Variants in SLC6A2 observed in about 807,000 individuals in gnomAD.
SLC6A2 encodes the protein sodium-dependent noradrenaline transporter.
In SLC6A2, 26 loss-of-function variants were observed where a neutral mutation model predicts 71.7. That is an observed-to-expected ratio of 0.36 (90% CI 0.27 to 0.50). The LOEUF is 0.50. Among genes scored for constraint, SLC6A2 ranks in the 20% least tolerant of loss-of-function variants. The pLI, the probability that SLC6A2 is intolerant of heterozygous loss-of-function variation, is 0.96. For synonymous variants in SLC6A2, 363 were observed against 337.9 expected, an observed-to-expected ratio of 1.07 and a Z score of -0.82; for missense variants, 581 against 803.9, an observed-to-expected ratio of 0.72 and a Z score of 3.35.
At chr16:55,687,340 T>C (rs1376259001) in intron 5 of SLC6A2, among the ~76,000 whole-genome samples, 2 of 152,234 alleles carry the variant, frequency 1.3e-5, no homozygotes, top group African/African-American at 2.4e-5. Context: ...AGGCATTTCT[T>C]AGCCTGAGTT....
Position 55,671,934 on chromosome 16 carries a change from C to T in SLC6A2, c.407-4C>T. On this transcript the variant is annotated splice_polypyrimidine_tract_variant and splice_region_variant and intron_variant, in intron 3 of 14. Coordinates refer to ENST00000568943, the MANE Select transcript of SLC6A2 (RefSeq NM_001172501.3). ...CTCCTACCTTACCCCCTGTCCCTGC[C>T]CAGGCGTTGGCTATGCTGTCATCCT... 2 of 1,614,054 alleles carry T rather than the reference C, an allele frequency of 1.2e-6. No homozygotes were observed. Among genetic ancestry groups the T allele is most frequent in the Non-Finnish European group, 8.5e-7 (1 of 1,179,994 alleles).
intron 4 of SLC6A2, among the ~76,000 whole-genome samples, chr16:55,680,147 G>C (rs1965224890): frequency 6.6e-6 from 1 of 152,204 alleles, no homozygotes; most frequent in Non-Finnish European, 1.5e-5. Context: ...GGAGGCAGGA[G>C]AGTGGCAAGG....
intron 2 of SLC6A2, among the ~76,000 whole-genome samples, chr16:55,669,235 TA>T (rs1964836398): frequency 6.6e-6 from 1 of 152,160 alleles, no homozygotes; most frequent in South Asian, 2.1e-4. Flanking sequence ...ATAAATCTGG[TA>T]AAGGCTACAC....
intron 3 of SLC6A2, among the ~76,000 whole-genome samples, chr16:55,670,646 A>C (rs1210282728): frequency 6.6e-6 from 1 of 152,198 alleles, no homozygotes; most frequent in African/African-American, 2.4e-5. Flanking sequence ...GGCCATCAGC[A>C]ACCCCGGGCT....
intron 2 of SLC6A2, among the ~76,000 whole-genome samples, chr16:55,667,568 A>G (rs1459759467): frequency 5.9e-5 from 9 of 152,222 alleles, no homozygotes; most frequent in Admixed American, 2.0e-4. Context: ...GCATAGGGAC[A>G]TGGGTCAGGT....
chr16:55,685,685 A>C (rs1965429592), intron 5 of SLC6A2, among the ~76,000 whole-genome samples: 1 of 152,204 alleles, frequency 6.6e-6, no homozygotes, highest in Non-Finnish European at 1.5e-5. Flanking sequence ...CTGGAATATG[A>C]CCATAAAATC....
chr16:55,676,470 G>T (rs1340968348), intron 4 of SLC6A2, among the ~76,000 whole-genome samples: 1 of 152,174 alleles, frequency 6.6e-6, no homozygotes, highest in African/African-American at 2.4e-5. Context: ...ACAGAGCCAA[G>T]ATTTGGACCC....
intron 5 of SLC6A2, among the ~76,000 whole-genome samples, chr16:55,685,997 G>A (rs62030511): frequency 3.3e-5 from 5 of 152,270 alleles, no homozygotes; most frequent in Non-Finnish European, 7.4e-5. Flanking sequence ...GGACTCTACA[G>A]GGTCTATTTA....
intron 3 of SLC6A2, 139 bp downstream of exon 3, chr16:55,669,835 C>A: frequency 1.1e-6 from 1 of 917,052 alleles, no homozygotes; most frequent in South Asian, 1.4e-5. Flanking sequence ...TCAACAGTGT[C>A]CCCCATTCCA....
chr16:55,663,095 A>G lies in SLC6A2; in HGVS notation c.274+6127A>G, dbSNP rs561036807. ...TGTGCTTCTGACCCACTGTCTATAAATCAGGGTTCCCCCCACCCCTTGCTT... is the reference window on the plus strand; with the variant it reads ...TGTGCTTCTGACCCACTGTCTATAAGTCAGGGTTCCCCCCACCCCTTGCTT... On this transcript the variant is annotated intron_variant, in intron 2 of 14. Coordinates refer to ENST00000568943, the MANE Select transcript of SLC6A2 (RefSeq NM_001172501.3). Among the ~76,000 whole-genome samples, 7 of 152,266 alleles carry G rather than the reference A, an allele frequency of 4.6e-5. No individual in the cohort carries two copies. The East Asian group carries it at 1.2e-3, about 25-fold the overall frequency.
Position 55,700,277 on chromosome 16 carries a change from T to A in SLC6A2, c.1729T>A (p.Phe577Ile), listed in dbSNP as rs1965930823. 1 of 1,613,916 alleles carries A rather than the reference T, an allele frequency of 6.2e-7. No individual in the cohort carries two copies. The highest frequency in any genetic ancestry group is 1.7e-5 in the Admixed American group (1 of 60,006). The change falls in exon 13 of 15, where the codon TTC (phenylalanine) becomes ATC (isoleucine). Residue 577 changes from phenylalanine to isoleucine, a missense_variant. By Grantham distance (21) the Phe-to-Ile change is conservative. This residue lies in a region of SLC6A2 where 334 missense variants were observed against 449.0 expected (regional missense o/e 0.74). Coordinates refer to ENST00000568943, the MANE Select transcript of SLC6A2 (RefSeq NM_001172501.3). ...GGTGCCCATCTACGTCATCTATAAGTTCCTCAGCACGCAGGGCTCTCTTTG... is the reference window on the plus strand; with the variant it reads ...GGTGCCCATCTACGTCATCTATAAGATCCTCAGCACGCAGGGCTCTCTTTG... ...VLVPIYVIYK[F>I]LSTQGSLWER...
chr16:55,685,118 G>C (rs1254511936), intron 4 of SLC6A2, 25 bp from the exon 5 acceptor site: 2 of 1,613,600 alleles, frequency 1.2e-6, no homozygotes, highest in Admixed American at 3.3e-5. Context: ...ATTTACCCTG[G>C]TCCCCTCCCC....
At chr16:55,684,655 T>C (rs1220175646) in intron 4 of SLC6A2, among the ~76,000 whole-genome samples, 1 of 152,176 alleles carries the variant, frequency 6.6e-6, no homozygotes, top group Non-Finnish European at 1.5e-5. Flanking sequence ...TTGCAGTATG[T>C]TTAGCAGCAC....
chr16:55,700,504 T>C (rs931713246), intron 13 of SLC6A2, among the ~76,000 whole-genome samples, 198 bp downstream of exon 13: 2 of 152,152 alleles, frequency 1.3e-5, no homozygotes, highest in Non-Finnish European at 2.9e-5. Flanking sequence ...TAATATTACG[T>C]ACCCCAAAAC....
At chr16:55,683,620 A>G (rs1965350333) in intron 4 of SLC6A2, among the ~76,000 whole-genome samples, 1 of 151,906 alleles carries the variant, frequency 6.6e-6, no homozygotes, top group South Asian at 2.1e-4. Context: ...TCTCAAACAA[A>G]CAAACAAACA....
At chr16:55,696,697 A>C (rs183416553) in intron 9 of SLC6A2, among the ~76,000 whole-genome samples, 40 of 152,326 alleles carry the variant, frequency 2.6e-4, no homozygotes, top group Middle Eastern at 3.4e-3. Context: ...TCAATAATCA[A>C]TAGGCCAGGC....
intron 9 of SLC6A2, among the ~76,000 whole-genome samples, chr16:55,697,222 G>A (rs1365252565): frequency 6.6e-6 from 1 of 152,190 alleles, no homozygotes; most frequent in Non-Finnish European, 1.5e-5. Flanking sequence ...AGGGAGTTGA[G>A]AAGGATTTTG....
rs1465525932 is a variant in SLC6A2 at position 55,656,522 on chromosome 16, G to A, written c.-51-122G>A. 6 of 781,076 alleles carry A rather than the reference G, an allele frequency of 7.7e-6. No homozygotes were observed. The highest frequency in any genetic ancestry group is 6.9e-5 in the African/African-American group (4 of 57,974). The allele number at this position is 781,076 out of a possible 1,614,324, so 48.4% of individuals were successfully genotyped here. ...TCCAGCGGACGCGCGCCCTTTTCTG[G>A]GAACCCTGCGTCCGCTCAGCGCGCG... On this transcript the variant is annotated intron_variant, in intron 1 of 14. Transcript: ENST00000568943. This position sits in a 1 kb window ranked among gnomAD's most constrained non-coding sequence, Gnocchi z 4.5.
In SLC6A2 at chr16:55,702,652, C is replaced by T. The variant is rs192171814; in HGVS notation, c.*306C>T. On this transcript the variant is annotated 3_prime_UTR_variant, in exon 15 of 15. Coordinates refer to ENST00000568943, the MANE Select transcript of SLC6A2 (RefSeq NM_001172501.3). The stretch of plus-strand genomic sequence containing the variant: ...CCTGCTGAAGCTAGGTTCATGAGGT[C>T]GGAAATCCCCACCACATTTGCCTAG... 19 of 1,310,644 alleles carry T rather than the reference C, an allele frequency of 1.4e-5. No homozygotes were observed. Among genetic ancestry groups the T allele is most frequent in the East Asian group, 6.7e-5 (2 of 29,732 alleles). The allele number at this position is 1,310,644 out of a possible 1,614,324, so 81.2% of individuals were successfully genotyped here. A position where few individuals can be genotyped will look rare whatever the true frequency, so the allele number is the denominator to read the frequency against.
Sources: allele counts gnomAD v4.1 joint callset (sites outside exome capture counted in the v4.1 genomes callset), GRCh38; gene constraint gnomAD v4.1.1; regional missense constraint gnomAD v4.1.1; non-coding constraint Gnocchi (gnomAD v3.1); transcripts MANE v1.5; gene names NCBI Gene and HGNC (gene_info 2026-07-23, HGNC 2026-07-21).